STRBP: variants seen among roughly 807,000 people sequenced by gnomAD.
STRBP encodes spermatid perinuclear RNA binding protein.
STRBP carries 13 observed loss-of-function variants against 80.1 expected under a neutral mutation model. That is an observed-to-expected ratio of 0.16 (90% CI 0.11 to 0.26). STRBP has a LOEUF of 0.26. Among genes scored for constraint, STRBP ranks in the 10% least tolerant of loss-of-function variants. STRBP has a pLI of 1.00. For missense variants in STRBP, 485 were observed against 815.2 expected (o/e 0.59, Z 4.93); for synonymous variants, 284 against 291.2 (o/e 0.98, Z 0.25).
chr9:123,164,444 A>G (rs1219083855), intron 6 of STRBP, among the ~76,000 whole-genome samples: 1 of 152,202 alleles, frequency 6.6e-6, no homozygotes, highest in Non-Finnish European at 1.5e-5. Flanking sequence ...TAGAAAGTCT[A>G]CTATGCCTAA....
At chr9:123,248,256 A>C in intron 1 of STRBP, among the ~76,000 whole-genome samples, 1 of 128,432 alleles carries the variant, frequency 7.8e-6, no homozygotes, top group South Asian at 2.5e-4. Context: ...TCCCACCCCT[A>C]TCGTGTTTTT....
chr9:123,122,160 TTTTCTC>T lies in STRBP; in HGVS notation c.*3431_*3436del, dbSNP rs767910859. On this transcript the variant is annotated 3_prime_UTR_variant, in exon 19 of 19. Coordinates refer to ENST00000348403, the MANE Select transcript of STRBP (RefSeq NM_018387.5). ...TATGCATGTTGTCTTAATTGACTAT[TTTTCTC>T]TTTAATCAGAAAATAAAAGAGCTTA... is the stretch of plus-strand genomic sequence containing the variant. 45 of 358,698 alleles carry T rather than the reference TTTTCTC, an allele frequency of 1.3e-4. No individual in the cohort carries two copies. The highest frequency in any genetic ancestry group is 1.9e-4 in the Non-Finnish European group (40 of 210,986). 22.2% of individuals were successfully genotyped at this position (358,698 alleles called of 1,614,324 possible). A position where few individuals can be genotyped will look rare whatever the true frequency, so the allele number is the denominator to read the frequency against.
chr9:123,202,347 T>C (rs1043872728), intron 2 of STRBP, among the ~76,000 whole-genome samples: 2 of 152,372 alleles, frequency 1.3e-5, no homozygotes, highest in Admixed American at 1.3e-4. Context: ...TTGGTGTATA[T>C]CAGGCTTTTG....
At chr9:123,113,293 C>T (rs1004536692) in intron 3 of STRBP, 1 of 167,388 alleles carries the variant, frequency 6.0e-6, no homozygotes, top group Admixed American at 6.5e-5. Context: ...ACCCCTGAGC[C>T]TGGCCCTCCT....
At chr9:123,201,163 T>G (rs2039312395) in intron 2 of STRBP, among the ~76,000 whole-genome samples, 1 of 152,178 alleles carries the variant, frequency 6.6e-6, no homozygotes, top group Non-Finnish European at 1.5e-5. Context: ...AATTTTATTT[T>G]TTCGAAGCGA....
In STRBP at chr9:123,259,070, A is replaced by T. The variant is rs1034509270; in HGVS notation, c.-302+9366T>A. ...CTATAAGGAGGAAAGGGCAAAAAAA[A>T]AAAAAGGGGGGGGGATTACTGCAAT... On this transcript the variant is annotated intron_variant, in intron 1 of 18. Coordinates refer to ENST00000348403, the MANE Select transcript of STRBP (RefSeq NM_018387.5). 7.5e-4 allele frequency among the ~76,000 whole-genome samples: 110 copies of T among 146,836 alleles called. 2 individuals carry two copies. The East Asian group carries it at 0.018, about 24-fold the overall frequency.
Position 123,170,794 on chromosome 9 carries a change from A to T in STRBP, c.391-748T>A, listed in dbSNP as rs554130044. Among the ~76,000 whole-genome samples the T allele has an allele frequency of 4.6e-5, 7 of 152,284 alleles. No homozygotes were observed. In the East Asian group the frequency reaches 9.6e-4, roughly 21 times the overall value. ...TATATTAAGTTATGCTTAATATATT[A>T]TTATACATTAAATATATGATTTAAA... On this transcript the variant is annotated intron_variant, in intron 5 of 18. Coordinates refer to ENST00000348403, the MANE Select transcript of STRBP (RefSeq NM_018387.5).
intron 9 of STRBP, 107 bp downstream of exon 9, chr9:123,158,986 ACTC>A: frequency 1.2e-5 from 9 of 768,714 alleles, no homozygotes; most frequent in Non-Finnish European, 1.9e-5. Flanking sequence ...AAGCAAAAGA[ACTC>A]CTATGCATCA....
chr9:123,239,213 A>C (rs1020140366), intron 1 of STRBP, among the ~76,000 whole-genome samples: 23 of 152,144 alleles, frequency 1.5e-4, no homozygotes, highest in Non-Finnish European at 1.3e-4. Context: ...GTCTCCACTA[A>C]AAATACAAAA....
chr9:123,141,092 A>G (rs2036572831), intron 13 of STRBP, among the ~76,000 whole-genome samples: 1 of 152,232 alleles, frequency 6.6e-6, no homozygotes, highest in Non-Finnish European at 1.5e-5. Flanking sequence ...ATATTTCTTT[A>G]TAGTAACAAC....
At position 123,124,524 on chromosome 9, in the gene STRBP, G is replaced by A; in HGVS notation, c.*1073C>T. 1 of 985,346 alleles carries A rather than the reference G, an allele frequency of 1.0e-6. No homozygotes were observed. Among genetic ancestry groups the A allele is most frequent in the Non-Finnish European group, 1.2e-6 (1 of 829,928 alleles). 61.0% of individuals were successfully genotyped at this position (985,346 alleles called of 1,614,324 possible). On this transcript the variant is annotated 3_prime_UTR_variant, in exon 19 of 19. Coordinates refer to ENST00000348403, the MANE Select transcript of STRBP (RefSeq NM_018387.5). Reference sequence around the variant, plus strand: ...TTCACAGCAGCACTCAACAAGAACTGGGACAATCGAAGAGCAAGTTTTTAT... The same window carrying A: ...TTCACAGCAGCACTCAACAAGAACTAGGACAATCGAAGAGCAAGTTTTTAT...
rs537979393 is a variant in STRBP at position 123,259,479 on chromosome 9, G to A, written c.-302+8957C>T. On this transcript the variant is annotated intron_variant, in intron 1 of 18. Coordinates refer to ENST00000348403, the MANE Select transcript of STRBP (RefSeq NM_018387.5). ...CCCAGCACTTTGGGAGGCCGAGGCG[G>A]GTGGATCACCTGAGGTCCGGAGTTC... 2.0e-5 allele frequency among the ~76,000 whole-genome samples: 3 copies of A among 152,296 alleles called. No individual in the cohort carries two copies. In the East Asian group the frequency reaches 5.8e-4, roughly 29 times the overall value.
At chr9:123,160,844 C>T in intron 7 of STRBP, 133 bp downstream of exon 7, 1 of 672,372 alleles carries the variant, frequency 1.5e-6, no homozygotes, top group East Asian at 3.0e-5. Flanking sequence ...AACTCAATTA[C>T]TCCAACAACC....
At chr9:123,150,830 G>T (rs1231715352) in intron 11 of STRBP, among the ~76,000 whole-genome samples, 1 of 152,112 alleles carries the variant, frequency 6.6e-6, no homozygotes, top group Non-Finnish European at 1.5e-5. Flanking sequence ...TTATACACTA[G>T]AAGTAAGATG....
At chr9:123,132,043 C>T (rs1352689231) in intron 17 of STRBP, among the ~76,000 whole-genome samples, 1 of 152,168 alleles carries the variant, frequency 6.6e-6, no homozygotes, top group Non-Finnish European at 1.5e-5. Context: ...TTTAACAAGA[C>T]AGCTGGATAA....
rs555283477 is a variant in STRBP at position 123,191,209 on chromosome 9, G to A, written c.-164-6911C>T. 2.0e-5 allele frequency among the ~76,000 whole-genome samples: 3 copies of A among 152,290 alleles called. No homozygotes were observed. In the East Asian group the frequency reaches 5.8e-4, roughly 29 times the overall value. On this transcript the variant is annotated intron_variant, in intron 2 of 18. Transcript: ENST00000348403. The stretch of plus-strand genomic sequence containing the variant: ...CACAGATAATACATGGAGAGGGAGT[G>A]CCATTTTAACAGATAGTCAAGGGTT...
chr9:123,266,129 G>T (rs1406926653), intron 1 of STRBP, among the ~76,000 whole-genome samples: 1 of 152,144 alleles, frequency 6.6e-6, no homozygotes, highest in Non-Finnish European at 1.5e-5. Flanking sequence ...GTTTCACAAA[G>T]ACATCTGCCC....
intron 2 of STRBP, among the ~76,000 whole-genome samples, chr9:123,206,200 G>A (rs997985565): frequency 2.0e-4 from 31 of 152,072 alleles, no homozygotes; most frequent in African/African-American, 5.6e-4. Flanking sequence ...TATGATACAC[G>A]AGAAATCTGC....
rs776348600 is a variant in STRBP, at chr9:123,139,700, C to T, written c.1339-13G>A. ...TTGCCTGCAATACCTGTACAAATTACATTAAAATGCAGTTTTATTCAGACA... is the reference window on the plus strand; with the variant it reads ...TTGCCTGCAATACCTGTACAAATTATATTAAAATGCAGTTTTATTCAGACA... On this transcript the variant is annotated splice_polypyrimidine_tract_variant and intron_variant, in intron 13 of 18. Transcript: ENST00000348403. The T allele has an allele frequency of 4.4e-6, 7 of 1,602,602 alleles. No homozygotes were observed. Among genetic ancestry groups the T allele is most frequent in the Non-Finnish European group, 5.9e-6 (7 of 1,177,408 alleles).
Sources: allele counts gnomAD v4.1 joint callset (sites outside exome capture counted in the v4.1 genomes callset), GRCh38; gene constraint gnomAD v4.1.1; transcripts MANE v1.5; gene names NCBI Gene and HGNC (gene_info 2026-07-23, HGNC 2026-07-21).